NLGN1: variants seen among roughly 807,000 people sequenced by gnomAD.
NLGN1 encodes neuroligin 1.
Under a neutral mutation model 65.5 loss-of-function variants are expected in NLGN1, and 12 were observed. The ratio of observed to expected loss-of-function variants is 0.18; its 90% confidence interval spans 0.12 to 0.30. The LOEUF (loss-of-function observed/expected upper bound fraction) is 0.30, where lower values mean the gene tolerates loss of function less well. Ranked by LOEUF, NLGN1 falls within the 10% of genes least tolerant of loss-of-function variation. NLGN1 has a pLI of 1.00. For missense variants in NLGN1, 750 were observed against 1,007.1 expected (o/e 0.74, Z 3.46); for synonymous variants, 350 against 359.5 (o/e 0.97, Z 0.30).
intron 3 of NLGN1, among the ~76,000 whole-genome samples, chr3:173,756,820 G>A (rs1459246632): frequency 1.3e-5 from 2 of 148,186 alleles, no homozygotes; most frequent in Admixed American, 1.3e-4. Flanking sequence ...AAAACCTACG[G>A]TAGAAAAAAA....
At chr3:173,848,945 TA>T (rs1726346476) in intron 4 of NLGN1, among the ~76,000 whole-genome samples, 1 of 152,178 alleles carries the variant, frequency 6.6e-6, no homozygotes, top group Non-Finnish European at 1.5e-5. Flanking sequence ...AGCAATTTTC[TA>T]GACATAAGGT....
intron 4 of NLGN1, among the ~76,000 whole-genome samples, chr3:173,930,647 C>G (rs187674374): frequency 6.6e-6 from 1 of 152,118 alleles, no homozygotes; most frequent in African/African-American, 2.4e-5. Flanking sequence ...CCCCAAAATA[C>G]GAATTAAGAA....
At chr3:173,604,472 A>C in exon 3 of NLGN1, 1 of 1,000,834 alleles carries the variant, frequency 1.0e-6, no homozygotes, top group South Asian at 1.6e-5. Context: ...GATCTTTCAG[A>C]GCTTTTCTCG....
intron 4 of NLGN1, among the ~76,000 whole-genome samples, chr3:173,921,829 T>A (rs1742077223): frequency 6.6e-6 from 1 of 152,248 alleles, no homozygotes; most frequent in Non-Finnish European, 1.5e-5. Context: ...TCATTGCTAA[T>A]TGTAGTAGTT....
intron 4 of NLGN1, among the ~76,000 whole-genome samples, chr3:173,851,066 G>A (rs1726831373): frequency 6.6e-6 from 1 of 151,950 alleles, no homozygotes; most frequent in South Asian, 2.1e-4. Flanking sequence ...AAACTTTTAT[G>A]TATTTTATAC....
At chr3:173,724,492 T>C in intron 3 of NLGN1, 1 of 203,682 alleles carries the variant, frequency 4.9e-6, no homozygotes, top group Non-Finnish European at 1.1e-5. Flanking sequence ...CGCAGGCTGG[T>C]CTGGAACTCC....
chr3:174,202,751 T>C (rs570540697), intron 4 of NLGN1: 1 of 152,198 alleles, frequency 6.6e-6, no homozygotes. Flanking sequence ...AAGAAGAACC[T>C]GTGTGTGACT....
chr3:174,274,603 A>T (rs1201369036), intron 4 of NLGN1, among the ~76,000 whole-genome samples: 1 of 151,794 alleles, frequency 6.6e-6, no homozygotes, highest in East Asian at 1.9e-4. Context: ...GCATTCCAGA[A>T]ATATATGTCT....
chr3:173,512,649 G>C (rs73043558), intron 2 of NLGN1, among the ~76,000 whole-genome samples: 3,475 of 152,276 alleles, frequency 0.023, 128 homozygotes, highest in African/African-American at 0.077. Context: ...TCGGGAGAGA[G>C]TGGACACACA....
At chr3:173,623,365 A>G (rs894621707) in intron 3 of NLGN1, among the ~76,000 whole-genome samples, 1 of 150,456 alleles carries the variant, frequency 6.6e-6, no homozygotes. Flanking sequence ...AAAAAAAAAA[A>G]CAGATTGTTG....
intron 3 of NLGN1, among the ~76,000 whole-genome samples, chr3:173,642,803 A>T (rs1361358788): frequency 6.6e-6 from 1 of 152,196 alleles, no homozygotes; most frequent in Non-Finnish European, 1.5e-5. Flanking sequence ...AATGTTTGGT[A>T]TCCAATCAAA....
At chr3:174,022,594 A>G (rs559625016) in intron 4 of NLGN1, among the ~76,000 whole-genome samples, 2 of 152,346 alleles carry the variant, frequency 1.3e-5, no homozygotes, top group East Asian at 3.9e-4. Flanking sequence ...CAACAGGCAT[A>G]TGAAAAAGTG....
At chr3:173,664,682 A>G (rs1761451370) in intron 3 of NLGN1, among the ~76,000 whole-genome samples, 1 of 152,086 alleles carries the variant, frequency 6.6e-6, no homozygotes, top group Non-Finnish European at 1.5e-5. Flanking sequence ...AGCCACATGC[A>G]AAGTGTGGAA....
intron 3 of NLGN1, among the ~76,000 whole-genome samples, chr3:173,788,565 A>G (rs1711828760): frequency 6.6e-6 from 1 of 152,086 alleles, no homozygotes; most frequent in South Asian, 2.1e-4. Context: ...TCTATTCCCA[A>G]TTAACTAATG....
chr3:174,158,698 T>C (rs1249844110), intron 4 of NLGN1, among the ~76,000 whole-genome samples: 1 of 151,720 alleles, frequency 6.6e-6, no homozygotes, highest in Non-Finnish European at 1.5e-5. Flanking sequence ...TGTGTGGGTA[T>C]AAATGTATTT....
chr3:173,463,977 T>G (rs563915090), intron 2 of NLGN1, among the ~76,000 whole-genome samples: 1 of 151,936 alleles, frequency 6.6e-6, no homozygotes, highest in Non-Finnish European at 1.5e-5. Context: ...ATGGTAAATA[T>G]CCATAGAGAT....
chr3:173,658,233 C>T (rs756308804), intron 3 of NLGN1, among the ~76,000 whole-genome samples: 1 of 151,958 alleles, frequency 6.6e-6, no homozygotes, highest in Non-Finnish European at 1.5e-5. Context: ...GTCCTAACTA[C>T]TTCTCATTTT....
chr3:174,204,474 G>A (rs1173068670), intron 4 of NLGN1, among the ~76,000 whole-genome samples: 4 of 152,262 alleles, frequency 2.6e-5, no homozygotes, highest in East Asian at 3.9e-4. Flanking sequence ...ATGCATCCAC[G>A]GATGTTAACT....
At chr3:174,148,219 A>G (rs1413467127) in intron 4 of NLGN1, among the ~76,000 whole-genome samples, 1 of 152,212 alleles carries the variant, frequency 6.6e-6, no homozygotes, top group Non-Finnish European at 1.5e-5. Context: ...AGGTCCTTAG[A>G]AAAATGTGTT....
Sources: gnomAD v4.1 joint callset for allele counts (sites outside exome capture counted in the v4.1 genomes callset) on GRCh38, gnomAD v4.1.1 for gene constraint, MANE v1.5 for transcripts, NCBI Gene and HGNC (gene_info 2026-07-23, HGNC 2026-07-21) for gene names.